The following PPP2R3B variants were observed in gnomAD, a reference collection of about 807,000 sequenced individuals.
The protein encoded by PPP2R3B is protein phosphatase 2 regulatory subunit B''beta.
Under a neutral mutation model 72.9 loss-of-function variants are expected in PPP2R3B, and 68 were observed. The ratio of observed to expected loss-of-function variants is 0.93; its 90% CI spans 0.77 to 1.14. The LOEUF is 1.14. Ranked by LOEUF, PPP2R3B falls within the 50% of genes most tolerant of loss-of-function variation. PPP2R3B has a pLI of 0.00. For missense variants in PPP2R3B, 1,018 were observed against 842.0 expected (o/e 1.21, Z -2.59); for synonymous variants, 466 against 375.8 (o/e 1.24, Z -2.78).
At chrX:368,733 T>C (rs1379887260) in intron 1 of PPP2R3B, among the ~76,000 whole-genome samples, 7 of 45,974 alleles carry the variant, frequency 1.5e-4, no homozygotes, top group East Asian at 7.8e-4. Flanking sequence ...ACCACCCACC[T>C]TGGGCACCGA....
Position 338,753 on chromosome X carries a change from C to T in PPP2R3B, c.1470+25G>A, listed in dbSNP as rs202081651. On this transcript the variant is annotated intron_variant, in intron 11 of 12. Coordinates refer to ENST00000390665, the MANE Select transcript of PPP2R3B (RefSeq NM_013239.5). ...GTTACGTACACGGCGTGGCGCGGCC[C>T]GGCCCGCGTGCCCGCCGCACTCACC... 45 of 1,611,842 alleles carry T rather than the reference C, an allele frequency of 2.8e-5. No individual in the cohort carries two copies. In the East Asian group the frequency reaches 3.6e-4, roughly 13 times the overall value.
chrX:347,891 C>A, intron 2 of PPP2R3B, 198 bp from the exon 3 acceptor site: 1 of 555,594 alleles, frequency 1.8e-6, no homozygotes, highest in Middle Eastern at 4.7e-4. Flanking sequence ...GAGAGCTGAG[C>A]GTGGGAGTGC....
At chrX:358,480 C>T (rs1456330229) in intron 2 of PPP2R3B, among the ~76,000 whole-genome samples, 2 of 135,466 alleles carry the variant, frequency 1.5e-5, no homozygotes, top group Admixed American at 8.0e-5. Flanking sequence ...GGACTCCCAG[C>T]GGTGCAGACG....
intron 2 of PPP2R3B, among the ~76,000 whole-genome samples, chrX:357,224 G>A (rs2071456347): frequency 1.3e-5 from 2 of 152,082 alleles, no homozygotes. Flanking sequence ...AGGCACGTGG[G>A]ACACCCGCGG....
At chrX:358,750 G>A (rs907564173) in intron 2 of PPP2R3B, among the ~76,000 whole-genome samples, 7 of 151,348 alleles carry the variant, frequency 4.6e-5, no homozygotes, top group African/African-American at 1.7e-4. Context: ...CATGAAACGC[G>A]CACATGAGAA....
At chrX:348,581 A>AAAAAAAAAAAAAAAG (rs111787156) in intron 2 of PPP2R3B, among the ~76,000 whole-genome samples, 6,659 of 143,948 alleles carry the variant, frequency 0.046, 441 homozygotes, top group East Asian at 0.17. Context: ...GTCTCAAAAA[A>AAAAAAAAAAAAAAAG]AGAGCAAATA....
chrX:334,578 C>A lies in PPP2R3B; in HGVS notation c.1578-61G>T, dbSNP rs2070837605. 2.2e-6 allele frequency: 3 copies of A among 1,389,894 alleles called. No homozygotes were observed. The East Asian group carries it at 8.5e-5, about 39-fold the overall frequency. The allele number at this position is 1,389,894 out of a possible 1,614,324, so 86.1% of individuals were successfully genotyped here. A position where few individuals can be genotyped will look rare whatever the true frequency, so the allele number is the denominator to read the frequency against. ...CGCGGAGCAGGCCCTGGGCCGTTTT[C>A]CGGGAAACACAGGCTGCTCGGCCGC... On this transcript the variant is annotated intron_variant, in intron 12 of 12. Coordinates refer to ENST00000390665, the MANE Select transcript of PPP2R3B (RefSeq NM_013239.5).
At chrX:364,337 G>T (rs758972477) in intron 1 of PPP2R3B, among the ~76,000 whole-genome samples, 1 of 152,016 alleles carries the variant, frequency 6.6e-6, no homozygotes, top group Non-Finnish European at 1.5e-5. Flanking sequence ...CGACTCTCCT[G>T]CAGGTTTGCA....
chrX:363,690 C>T (rs370090570), intron 1 of PPP2R3B, among the ~76,000 whole-genome samples: 5 of 114,918 alleles, frequency 4.4e-5, no homozygotes, highest in African/African-American at 1.1e-4. Context: ...CCCAAGCCCG[C>T]GATCCCACAG....
rs140815967 is a variant in PPP2R3B, at chrX:334,160, C to G, written c.*207G>C. On this transcript the variant is annotated 3_prime_UTR_variant, in exon 13 of 13. Transcript: ENST00000390665. ...CGTGTGGGAACCCGTCCCATTCACG[C>G]GCGGCCCTACGTGTCCCCCTGGCAC... The G allele has an allele frequency of 8.1e-6, 4 of 490,930 alleles. No homozygotes were observed. Among genetic ancestry groups the G allele is most frequent in the Non-Finnish European group, 1.3e-5 (4 of 298,700 alleles). The allele number at this position is 490,930 out of a possible 1,614,324, so 30.4% of individuals were successfully genotyped here. A position where few individuals can be genotyped will look rare whatever the true frequency, so the allele number is the denominator to read the frequency against.
rs1428183751 is a variant in PPP2R3B, at chrX:334,502, G to C, written c.1593C>G (p.Leu531=). 1.3e-6 allele frequency: 2 copies of C among 1,558,892 alleles called. No homozygotes were observed. Among genetic ancestry groups the C allele is most frequent in the Non-Finnish European group, 1.7e-6 (2 of 1,159,110 alleles). ...CACTCAGCTTCTGCTCCACAGGGCT[G>C]AGCTCGGCCTCGAACCTGCAACGAG... ...EPWEDGFEAE[L]SPVEQKLSAL... The change falls in exon 13 of 13, where the codon CTC becomes CTG. Residue 531 remains leucine, a synonymous_variant. Coordinates refer to ENST00000390665, the MANE Select transcript of PPP2R3B (RefSeq NM_013239.5).
At chrX:346,103 GAA>G (rs1211115429) in intron 6 of PPP2R3B, 69 bp downstream of exon 6, 52 of 1,005,194 alleles carry the variant, frequency 5.2e-5, no homozygotes, top group South Asian at 2.1e-4. Flanking sequence ...GGGGAGGAGG[GAA>G]GGGAAGGGAG....
At chrX:357,435 T>A (rs2738386) in intron 2 of PPP2R3B, among the ~76,000 whole-genome samples, 43,585 of 151,820 alleles carry the variant, frequency 0.29, 6,681 homozygotes, top group East Asian at 0.38. Context: ...TGACCATAGA[T>A]ATTCATGAGA....
At chrX:350,888 A>G (rs2738407) in intron 2 of PPP2R3B, among the ~76,000 whole-genome samples, 129,158 of 152,116 alleles carry the variant, frequency 0.85, 55,306 homozygotes, top group African/African-American at 0.96. Flanking sequence ...GAGCCTGCAC[A>G]GATGGGGACG....
At chrX:340,486 C>A (rs189283057) in intron 10 of PPP2R3B, among the ~76,000 whole-genome samples, 3 of 59,282 alleles carry the variant, frequency 5.1e-5, no homozygotes, top group Admixed American at 1.5e-4. Flanking sequence ...TGGGCCGTCC[C>A]CCCTCCCGTC....
At position 338,866 on chromosome X, in the gene PPP2R3B, C is replaced by CA. The variant is rs1431007732; in HGVS notation, c.1381dup (p.Cys461LeufsTer5). 6.2e-7 allele frequency: 1 copy of CA among 1,612,440 alleles called. No individual in the cohort carries two copies. The highest frequency in any genetic ancestry group is 2.2e-5 in the East Asian group (1 of 44,878). On this transcript the variant is annotated frameshift_variant, in exon 11 of 13. Transcript: ENST00000390665. LOFTEE classifies it high-confidence loss of function. Reference sequence around the variant, plus strand: ...GTCGAAGAAGACGTTAGCCAGCTTGCAGCGCTTCAGGTCCTGCAGCGTGAT... The same window carrying CA: ...GTCGAAGAAGACGTTAGCCAGCTTGCAAGCGCTTCAGGTCCTGCAGCGTGAT...
chrX:384,972 GA>G (rs1293506659), intron 1 of PPP2R3B, among the ~76,000 whole-genome samples: 1 of 95,810 alleles, frequency 1.0e-5, no homozygotes, highest in Non-Finnish European at 1.9e-5. Context: ...GTGAGAGTGA[GA>G]ATCTGTCTCA....
intron 1 of PPP2R3B, among the ~76,000 whole-genome samples, chrX:384,282 C>CTA (rs57842842): frequency 0.028 from 3,907 of 139,974 alleles, 68 homozygotes; most frequent in Admixed American, 0.045. Flanking sequence ...CTCTCTCTCT[C>CTA]TATATATATA....
chrX:379,607 CAGAAATTAGAGAA>C (rs2072081599), intron 1 of PPP2R3B, among the ~76,000 whole-genome samples: 1 of 152,216 alleles, frequency 6.6e-6, no homozygotes, highest in African/African-American at 2.4e-5. Flanking sequence ...GAGTAGCTTC[CAGAAATTAGAGAA>C]GAACTAAATA....
Sources: gnomAD v4.1 joint callset for allele counts (sites outside exome capture counted in the v4.1 genomes callset) on GRCh38, gnomAD v4.1.1 for gene constraint, MANE v1.5 for transcripts, NCBI Gene and HGNC (gene_info 2026-07-23, HGNC 2026-07-21) for gene names.